The following TBC1D22A variants were observed in gnomAD, a reference collection of about 807,000 sequenced individuals.
The protein encoded by TBC1D22A is putative GTPase activator.
In TBC1D22A, 38 loss-of-function variants were observed where a neutral mutation model predicts 60.2. The ratio of observed to expected loss-of-function variants is 0.63; its 90% CI spans 0.49 to 0.83. The LOEUF is 0.83. TBC1D22A is among the 40% of genes least tolerant of loss of function. The probability of loss-of-function intolerance (pLI) is 0.00; values close to 1 mark genes in which losing one functional copy is unlikely to be tolerated. For missense variants in TBC1D22A, 628 were observed against 701.0 expected (o/e 0.90, Z 1.18); for synonymous variants, 302 against 281.7 (o/e 1.07, Z -0.72).
In TBC1D22A at chr22:47,010,350, G is replaced by A. The variant is rs943488566; in HGVS notation, c.1201+12641G>A. Among the ~76,000 whole-genome samples, 9 of 152,314 alleles carry A rather than the reference G, an allele frequency of 5.9e-5. No individual in the cohort carries two copies. The East Asian group carries it at 1.7e-3, about 29-fold the overall frequency. ...GCGTGGCTCCCTCCCCCTGGCTCTCGTCCTCATTAGGCTCCAGAAGGGCAG... is the reference window on the plus strand; with the variant it reads ...GCGTGGCTCCCTCCCCCTGGCTCTCATCCTCATTAGGCTCCAGAAGGGCAG... On this transcript the variant is annotated intron_variant, in intron 10 of 12. Transcript: ENST00000337137.
intron 10 of TBC1D22A, among the ~76,000 whole-genome samples, chr22:47,032,642 G>T (rs2062515904): frequency 6.6e-6 from 1 of 152,238 alleles, no homozygotes; most frequent in South Asian, 2.1e-4. Context: ...TGCTGCCTTG[G>T]TACACTGGGG....
At chr22:46,933,416 T>G (rs1449111320) in intron 8 of TBC1D22A, among the ~76,000 whole-genome samples, 2 of 152,212 alleles carry the variant, frequency 1.3e-5, no homozygotes, top group African/African-American at 4.8e-5. Flanking sequence ...TGGCTTGGAA[T>G]TAGTCGAAGC....
intron 12 of TBC1D22A, among the ~76,000 whole-genome samples, chr22:47,138,313 G>A (rs1330439839): frequency 6.6e-6 from 1 of 152,170 alleles, no homozygotes. Flanking sequence ...TTCGGCCTCT[G>A]GGGGACAGGG....
At chr22:46,798,869 C>A (rs760033458) in intron 4 of TBC1D22A, among the ~76,000 whole-genome samples, 1 of 152,204 alleles carries the variant, frequency 6.6e-6, no homozygotes, top group African/African-American at 2.4e-5. Context: ...CGGGCCTTCA[C>A]GCTCAAGCCC....
intron 4 of TBC1D22A, among the ~76,000 whole-genome samples, chr22:46,827,854 G>A (rs550887838): frequency 3.9e-5 from 6 of 152,300 alleles, no homozygotes; most frequent in South Asian, 4.1e-4. Flanking sequence ...TGTCTTATCC[G>A]CAGGGACTGT....
intron 1 of TBC1D22A, among the ~76,000 whole-genome samples, chr22:46,765,211 C>T (rs889120352): frequency 6.6e-6 from 1 of 152,202 alleles, no homozygotes; most frequent in African/African-American, 2.4e-5. Flanking sequence ...TCTGTGTCTC[C>T]CATCCGTCTT....
intron 11 of TBC1D22A, among the ~76,000 whole-genome samples, chr22:47,048,813 G>A (rs1226885200): frequency 2.6e-5 from 4 of 152,172 alleles, no homozygotes; most frequent in Non-Finnish European, 4.4e-5. Flanking sequence ...GAGCAATGTA[G>A]GGGTGAGGGG....
At chr22:46,791,175 C>G (rs145658944) in intron 1 of TBC1D22A, among the ~76,000 whole-genome samples, 1 of 152,194 alleles carries the variant, frequency 6.6e-6, no homozygotes. Flanking sequence ...TATGTCACCA[C>G]GCCCAGCCAA....
intron 7 of TBC1D22A, among the ~76,000 whole-genome samples, chr22:46,903,088 G>T (rs538031682): frequency 1.3e-5 from 2 of 152,166 alleles, no homozygotes; most frequent in African/African-American, 4.8e-5. Flanking sequence ...CGGTTGGGCC[G>T]TGGATCTCTC....
At chr22:46,936,716 G>A (rs1014757899) in intron 8 of TBC1D22A, among the ~76,000 whole-genome samples, 1 of 152,238 alleles carries the variant, frequency 6.6e-6, no homozygotes, top group African/African-American at 2.4e-5. Context: ...ACTCTGCGAG[G>A]ACACACAGCC....
intron 12 of TBC1D22A, among the ~76,000 whole-genome samples, chr22:47,164,395 AGT>A (rs1256026619): frequency 6.6e-6 from 1 of 152,142 alleles, no homozygotes; most frequent in Non-Finnish European, 1.5e-5. Flanking sequence ...TCGTCACCTG[AGT>A]GTGAAGGACA....
At chr22:47,150,630 G>A (rs775777304) in intron 12 of TBC1D22A, among the ~76,000 whole-genome samples, 1 of 152,338 alleles carries the variant, frequency 6.6e-6, no homozygotes, top group African/African-American at 2.4e-5. Context: ...TTGCCCACTT[G>A]TGGGCCACAA....
At chr22:46,921,640 C>A (rs1280908951) in intron 8 of TBC1D22A, among the ~76,000 whole-genome samples, 1 of 152,144 alleles carries the variant, frequency 6.6e-6, no homozygotes. Flanking sequence ...AGTAGTTCTG[C>A]TTTAAGTTAT....
At chr22:46,973,495 C>T (rs1453222600) in intron 8 of TBC1D22A, among the ~76,000 whole-genome samples, 1 of 152,216 alleles carries the variant, frequency 6.6e-6, no homozygotes, top group Non-Finnish European at 1.5e-5. Context: ...TACATATATT[C>T]TGGGTTGAAA....
chr22:47,026,749 A>G (rs1333551005), intron 10 of TBC1D22A, among the ~76,000 whole-genome samples: 1 of 152,248 alleles, frequency 6.6e-6, no homozygotes, highest in Admixed American at 6.5e-5. Context: ...GCTGAGAGAA[A>G]TGAAAGATGA....
intron 3 of TBC1D22A, among the ~76,000 whole-genome samples, chr22:46,795,974 C>T (rs951964370): frequency 2.6e-5 from 4 of 152,158 alleles, no homozygotes; most frequent in Non-Finnish European, 5.9e-5. Context: ...CATGGTCCTC[C>T]CCTCTGCTCA....
chr22:47,105,310 G>A (rs2065593568), intron 11 of TBC1D22A, among the ~76,000 whole-genome samples: 1 of 152,136 alleles, frequency 6.6e-6, no homozygotes, highest in African/African-American at 2.4e-5. Flanking sequence ...AGACCCTCCT[G>A]TTTTTGGTAT....
chr22:47,027,940 T>A (rs1443902820), intron 10 of TBC1D22A, among the ~76,000 whole-genome samples: 1 of 152,128 alleles, frequency 6.6e-6, no homozygotes, highest in African/African-American at 2.4e-5. Flanking sequence ...TCCCTGGCCG[T>A]GGAGCACAGT....
intron 8 of TBC1D22A, among the ~76,000 whole-genome samples, chr22:46,950,791 G>A (rs534444003): frequency 1.3e-5 from 2 of 152,318 alleles, no homozygotes; most frequent in East Asian, 3.9e-4. Context: ...CTCCGGGATG[G>A]ATGTGTGCAT....
Sources: gnomAD v4.1 joint callset for allele counts (sites outside exome capture counted in the v4.1 genomes callset) on GRCh38, gnomAD v4.1.1 for gene constraint, MANE v1.5 for transcripts, NCBI Gene and HGNC (gene_info 2026-07-23, HGNC 2026-07-21) for gene names.